Variants in UNC13C observed in about 807,000 individuals in gnomAD.
UNC13C encodes the protein protein unc-13 homolog C.
Under a neutral mutation model 245.4 loss-of-function variants are expected in UNC13C, and 174 were observed. The observed-to-expected ratio is 0.71, with a 90% confidence interval of 0.63 to 0.80. The LOEUF (loss-of-function observed/expected upper bound fraction) is 0.80. Among genes scored for constraint, UNC13C ranks in the 30% least tolerant of loss-of-function variants. The probability of loss-of-function intolerance (pLI) is 0.00; values close to 1 mark genes in which losing one functional copy is unlikely to be tolerated. For missense variants in UNC13C, 2,829 were observed against 2,602.9 expected, an observed-to-expected ratio of 1.09 and a Z score of -1.89; for synonymous variants, 992 against 895.1, an observed-to-expected ratio of 1.11 and a Z score of -1.93.
chr15:54,383,450 A>C (rs1327909498), intron 17 of UNC13C, among the ~76,000 whole-genome samples: 1 of 152,182 alleles, frequency 6.6e-6, no homozygotes, highest in African/African-American at 2.4e-5. Context: ...GGATTATCAC[A>C]ATAGATGCAG....
intron 24 of UNC13C, among the ~76,000 whole-genome samples, chr15:54,521,491 G>C (rs951240876): frequency 6.6e-6 from 1 of 152,178 alleles, no homozygotes; most frequent in East Asian, 1.9e-4. Context: ...AAATGACTTT[G>C]CAACTCATTG....
At chr15:54,269,865 C>G (rs1470473284) in intron 10 of UNC13C, among the ~76,000 whole-genome samples, 2 of 152,048 alleles carry the variant, frequency 1.3e-5, no homozygotes, top group African/African-American at 4.8e-5. Flanking sequence ...AACATCATTT[C>G]AAAGAAGAAA....
intron 4 of UNC13C, among the ~76,000 whole-genome samples, chr15:54,162,346 T>C (rs2033010230): frequency 6.6e-6 from 1 of 152,154 alleles, no homozygotes; most frequent in African/African-American, 2.4e-5. Flanking sequence ...CTGATTCCTT[T>C]GGCTTGTGAC....
chr15:54,306,626 T>C (rs2037731193), intron 13 of UNC13C, among the ~76,000 whole-genome samples: 1 of 151,972 alleles, frequency 6.6e-6, no homozygotes, highest in Admixed American at 6.6e-5. Context: ...CCTCTGGAGA[T>C]TATTTCTGTC....
chr15:54,612,304 A>C (rs966716049), intron 30 of UNC13C, among the ~76,000 whole-genome samples: 7 of 151,970 alleles, frequency 4.6e-5, no homozygotes, highest in Non-Finnish European at 1.0e-4. Flanking sequence ...AAAGGTGTGG[A>C]AAGGTTACAC....
rs527691375 is a variant in UNC13C, at chr15:54,244,391, G to A, written c.3229-5834G>A. ...CTACCGTAGCCTTGTACTATAGTTC[G>A]AAGGTGGGTAAGGTGATGCCTACAA... On this transcript the variant is annotated intron_variant, in intron 7 of 32. Coordinates refer to ENST00000260323, the MANE Select transcript of UNC13C (RefSeq NM_001080534.3). Among the ~76,000 whole-genome samples, 25 of 152,240 alleles carry A rather than the reference G, an allele frequency of 1.6e-4. No individual in the cohort carries two copies. In the South Asian group the frequency reaches 2.3e-3, roughly 14 times the overall value.
At chr15:54,468,495 T>C (rs1283020589) in intron 19 of UNC13C, among the ~76,000 whole-genome samples, 1 of 151,744 alleles carries the variant, frequency 6.6e-6, no homozygotes, top group Non-Finnish European at 1.5e-5. Flanking sequence ...TCTATGCTTT[T>C]GGAATCTTAG....
the UNC13C span, among the ~76,000 whole-genome samples, chr15:53,839,229 G>A: frequency 6.6e-6 from 1 of 151,724 alleles, no homozygotes; most frequent in African/African-American, 2.4e-5. Flanking sequence ...CCCCCAATTA[G>A]GACTCATATC....
intron 14 of UNC13C, among the ~76,000 whole-genome samples, chr15:54,329,424 T>A (rs1411723785): frequency 6.6e-6 from 1 of 151,970 alleles, no homozygotes; most frequent in African/African-American, 2.4e-5. Flanking sequence ...TTATTATTAT[T>A]TTTATTATTG....
At chr15:54,563,769 T>A (rs1006326556) in intron 29 of UNC13C, among the ~76,000 whole-genome samples, 2 of 152,030 alleles carry the variant, frequency 1.3e-5, no homozygotes, top group Non-Finnish European at 2.9e-5. Context: ...TTTACTTCCA[T>A]ACATCACCCT....
intron 4 of UNC13C, among the ~76,000 whole-genome samples, chr15:54,167,330 G>A (rs558107596): frequency 3.3e-5 from 5 of 151,686 alleles, no homozygotes; most frequent in South Asian, 2.1e-4. Context: ...GTGAAACCCC[G>A]TCTCTACTGA....
chr15:53,882,788 AAC>A, the UNC13C span, among the ~76,000 whole-genome samples: 8 of 152,272 alleles, frequency 5.3e-5, no homozygotes, highest in Middle Eastern at 3.4e-3. Context: ...TAAATAGTTA[AAC>A]AGCCTTTGGA....
chr15:53,951,683 A>C, the UNC13C span, among the ~76,000 whole-genome samples: 1 of 152,146 alleles, frequency 6.6e-6, no homozygotes. Context: ...TTGGCCCGCA[A>C]ATCCATGTTT....
At chr15:54,032,780 C>G (rs73415092) in intron 2 of UNC13C, among the ~76,000 whole-genome samples, 3,308 of 152,230 alleles carry the variant, frequency 0.022, 121 homozygotes, top group South Asian at 0.13. Flanking sequence ...GAAGTAATAA[C>G]AGTACGCTGA....
At chr15:54,279,354 C>T (rs1482076048) in intron 10 of UNC13C, among the ~76,000 whole-genome samples, 2 of 152,214 alleles carry the variant, frequency 1.3e-5, no homozygotes, top group South Asian at 2.1e-4. Flanking sequence ...GATTTCCTAA[C>T]ATTTCTCCAG....
intron 19 of UNC13C, among the ~76,000 whole-genome samples, chr15:54,429,776 C>T (rs2040834403): frequency 2.0e-5 from 3 of 151,546 alleles, no homozygotes; most frequent in African/African-American, 7.3e-5. Context: ...TGCCATTTTG[C>T]TATTCCTTTA....
At chr15:54,548,708 GCTAT>G (rs1485162489) in intron 27 of UNC13C, among the ~76,000 whole-genome samples, 1 of 152,094 alleles carries the variant, frequency 6.6e-6, no homozygotes, top group East Asian at 1.9e-4. Flanking sequence ...CAGTAGAAAT[GCTAT>G]CTATGACATT....
the UNC13C span, among the ~76,000 whole-genome samples, chr15:53,884,961 A>T: frequency 6.6e-6 from 1 of 152,256 alleles, no homozygotes; most frequent in Non-Finnish European, 1.5e-5. Context: ...AGGATTTTAC[A>T]GAACAGTGAA....
At chr15:54,231,733 C>T (rs2035558767) in intron 4 of UNC13C, among the ~76,000 whole-genome samples, 1 of 151,878 alleles carries the variant, frequency 6.6e-6, no homozygotes, top group Non-Finnish European at 1.5e-5. Flanking sequence ...TCAACTATAC[C>T]TAAAAGGGCT....
Sources: allele counts gnomAD v4.1 joint callset (sites outside exome capture counted in the v4.1 genomes callset), GRCh38; gene constraint gnomAD v4.1.1; transcripts MANE v1.5; gene names NCBI Gene and HGNC (gene_info 2026-07-23, HGNC 2026-07-21).